TNNT1: variants seen among roughly 807,000 people sequenced by gnomAD.
The protein encoded by TNNT1 is troponin T, slow skeletal muscle.
Under a neutral mutation model 50.6 loss-of-function variants are expected in TNNT1, and 53 were observed. The observed-to-expected ratio is 1.05, with a 90% CI of 0.84 to 1.32. The LOEUF (loss-of-function observed/expected upper bound fraction) is 1.32, where lower values mean the gene tolerates loss of function less well. Among genes scored for constraint, TNNT1 ranks in the 40% most tolerant of loss-of-function variants. The pLI is 0.00. For missense variants in TNNT1, 348 were observed against 381.7 expected (o/e 0.91, Z 0.74); for synonymous variants, 142 against 138.0 (o/e 1.03, Z -0.20).
intron 13 of TNNT1, among the ~76,000 whole-genome samples, chr19:55,133,268 T>G (rs1203090710): frequency 1.3e-5 from 2 of 149,504 alleles, no homozygotes; most frequent in Non-Finnish European, 3.0e-5. Flanking sequence ...GATCTGGGCA[T>G]GGGTGGGTAA....
rs1186903436 is a variant in TNNT1 at position 55,134,055 on chromosome 19, C to G, written c.750+11G>C. The G allele has an allele frequency of 6.2e-7, 1 of 1,612,828 alleles. No homozygotes were observed. Among genetic ancestry groups the G allele is most frequent in the Non-Finnish European group, 8.5e-7 (1 of 1,179,848 alleles). The stretch of plus-strand genomic sequence containing the variant: ...CCTCTCTCCCTCCCTCCCTGCGGAG[C>G]TGGGTCTCACCTCATATTTCTGCTG... On this transcript the variant is annotated intron_variant, in intron 12 of 13. Coordinates refer to ENST00000588981, the MANE Select transcript of TNNT1 (RefSeq NM_003283.6).
intron 1 of TNNT1, chr19:55,147,474 G>A: frequency 2.3e-6 from 1 of 433,198 alleles, no homozygotes. Context: ...TGGGTCTGAG[G>A]AAGGAGGGGC....
At chr19:55,135,414 C>CTT (rs112550851) in intron 11 of TNNT1, 4,864 of 222,864 alleles carry the variant, frequency 0.022, 250 homozygotes, top group African/African-American at 0.11. Flanking sequence ...TCTTTCTTTT[C>CTT]TTTTTTTTTT....
At chr19:55,139,266 C>T (rs577930898) in intron 9 of TNNT1, among the ~76,000 whole-genome samples, 58 of 152,326 alleles carry the variant, frequency 3.8e-4, no homozygotes, top group Non-Finnish European at 6.9e-4. Context: ...TCCCAAAGTG[C>T]TGGGATTACA....
intron 6 of TNNT1, among the ~76,000 whole-genome samples, chr19:55,142,343 G>C (rs1048704036): frequency 4.0e-5 from 6 of 151,064 alleles, no homozygotes; most frequent in African/African-American, 1.5e-4. Context: ...GGATGGTCTC[G>C]ATCTCCTGAC....
intron 1 of TNNT1, 157 bp from the exon 2 acceptor site, chr19:55,147,325 T>G: frequency 1.6e-6 from 1 of 634,168 alleles, no homozygotes. Flanking sequence ...CTCCTGGGTG[T>G]GAGAGAGGAG....
At chr19:55,147,705 G>A (rs1210117339) in intron 1 of TNNT1, among the ~76,000 whole-genome samples, 1 of 118,084 alleles carries the variant, frequency 8.5e-6, no homozygotes, top group Non-Finnish European at 1.9e-5. Flanking sequence ...ATCTGAGGGA[G>A]GAGGGGCCAG....
Position 55,134,084 on chromosome 19 carries a change from C to T in TNNT1, c.732G>A (p.Leu244=), listed in dbSNP as rs1296625779. 1.9e-6 allele frequency: 3 copies of T among 1,612,966 alleles called. No individual in the cohort carries two copies. Among genetic ancestry groups the T allele is most frequent in the Non-Finnish European group, 8.5e-7 (1 of 1,179,828 alleles). The change falls in exon 12 of 14, where the codon CTG becomes CTA. Residue 244 remains leucine, a synonymous_variant. Transcript: ENST00000588981. ...GTCTCACCTCATATTTCTGCTGTTTCAGCTTCGCCATCAGGTCGAACTTCT... is the reference window on the plus strand; with the variant it reads ...GTCTCACCTCATATTTCTGCTGTTTTAGCTTCGCCATCAGGTCGAACTTCT... The part of the protein sequence containing the change: ...ESEKFDLMAK[L]KQQKYEINVL...
In TNNT1 at chr19:55,138,096, C is replaced by T; in HGVS notation, c.388-22G>A. The stretch of plus-strand genomic sequence containing the variant: ...CCTCCTGTGGGAAGTAAGGGGTTAA[C>T]CTCATGGACTCCCCTGTAGGACTGA... On this transcript the variant is annotated intron_variant, in intron 9 of 13. Coordinates refer to ENST00000588981, the MANE Select transcript of TNNT1 (RefSeq NM_003283.6). 1.9e-6 allele frequency: 3 copies of T among 1,614,054 alleles called. No homozygotes were observed. In the African/African-American group the frequency reaches 4.0e-5, roughly 22 times the overall value.
chr19:55,144,876 T>G (rs1481374336), intron 6 of TNNT1, among the ~76,000 whole-genome samples: 1 of 151,976 alleles, frequency 6.6e-6, no homozygotes, highest in Non-Finnish European at 1.5e-5. Flanking sequence ...TTAGCTCTGG[T>G]GTTAGAAAAG....
intron 6 of TNNT1, among the ~76,000 whole-genome samples, chr19:55,143,168 C>CAAA (rs564659968): frequency 3.9e-5 from 5 of 126,630 alleles, no homozygotes; most frequent in Admixed American, 8.2e-5. Flanking sequence ...GACTCTATCT[C>CAAA]AAAAAAAAAA....
At chr19:55,133,840 G>T in intron 13 of TNNT1, 47 bp downstream of exon 13, 4 of 1,612,316 alleles carry the variant, frequency 2.5e-6, no homozygotes, top group Non-Finnish European at 3.4e-6. Flanking sequence ...CTGAGAGTCA[G>T]CGGGAGGGTA....
chr19:55,136,565 C>A (rs73935310), intron 11 of TNNT1, among the ~76,000 whole-genome samples: 22 of 152,178 alleles, frequency 1.4e-4, no homozygotes, highest in Non-Finnish European at 2.2e-4. Context: ...TCGGTGCAAG[C>A]GGCAAACCCG....
At chr19:55,142,926 G>A (rs1180561691) in intron 6 of TNNT1, among the ~76,000 whole-genome samples, 1 of 151,342 alleles carries the variant, frequency 6.6e-6, no homozygotes, top group East Asian at 2.0e-4. Context: ...CACTTTGGGA[G>A]GCCAAGGTGG....
chr19:55,146,398 G>A lies in TNNT1; in HGVS notation c.106+36C>T, dbSNP rs542206040. ...ATATCGGGGGTCCCCCCGGGCCCCCGACATCGGTCTCGGGAAGCGAAGCAG... is the reference window on the plus strand; with the variant it reads ...ATATCGGGGGTCCCCCCGGGCCCCCAACATCGGTCTCGGGAAGCGAAGCAG... On this transcript the variant is annotated intron_variant, in intron 5 of 13. Coordinates refer to ENST00000588981, the MANE Select transcript of TNNT1 (RefSeq NM_003283.6). 1.9e-4 allele frequency: 261 copies of A among 1,341,232 alleles called. 1 individual carries two copies. In the East Asian group the frequency reaches 7.4e-3, roughly 38 times the overall value. 83.1% of individuals were successfully genotyped at this position (1,341,232 alleles called of 1,614,324 possible). A position where few individuals can be genotyped will look rare whatever the true frequency, so the allele number is the denominator to read the frequency against.
chr19:55,145,587 AAG>A (rs2085534499), intron 5 of TNNT1, 22 bp from the exon 6 acceptor site: 6 of 1,613,234 alleles, frequency 3.7e-6, no homozygotes, highest in Non-Finnish European at 5.1e-6. Flanking sequence ...GGGGGATAAA[AAG>A]AGATAATTAG....
chr19:55,144,812 G>A (rs1274632579), intron 6 of TNNT1, among the ~76,000 whole-genome samples: 5 of 152,222 alleles, frequency 3.3e-5, no homozygotes, highest in African/African-American at 4.8e-5. Context: ...CTTTGACTGC[G>A]TCTTAAGAGT....
chr19:55,146,840 T>C, intron 3 of TNNT1, 133 bp from the exon 4 acceptor site: 1 of 1,187,446 alleles, frequency 8.4e-7, no homozygotes, highest in East Asian at 2.6e-5. Flanking sequence ...ACGTTCCCCC[T>C]GGCGGTGCAG....
At chr19:55,133,700 GAAAAA>G in intron 13 of TNNT1, 182 bp downstream of exon 13, 4 of 650,794 alleles carry the variant, frequency 6.1e-6, no homozygotes, top group Non-Finnish European at 7.9e-6. Context: ...AAAAAAGAAA[GAAAAA>G]GAAAAAGGAA....
Sources: gnomAD v4.1 joint callset for allele counts (sites outside exome capture counted in the v4.1 genomes callset) on GRCh38, gnomAD v4.1.1 for gene constraint, MANE v1.5 for transcripts, NCBI Gene and HGNC (gene_info 2026-07-23, HGNC 2026-07-21) for gene names.